Variants in AGO4 observed in about 807,000 individuals in gnomAD.
AGO4 encodes the protein argonaute RISC component 4.
In AGO4, 33 loss-of-function variants were observed where a neutral mutation model predicts 104.7. That is an observed-to-expected ratio of 0.32 (90% CI 0.24 to 0.42). The LOEUF is 0.42. Ranked by LOEUF, AGO4 falls within the 10% of genes least tolerant of loss-of-function variation. The pLI, the probability that AGO4 is intolerant of heterozygous loss-of-function variation, is 1.00. For synonymous variants in AGO4, 331 were observed against 364.7 expected (o/e 0.91, Z 1.05); for missense variants, 711 against 1,083.4 (o/e 0.66, Z 4.83).
chr1:35,825,073 G>A (rs1459952614), intron 3 of AGO4, among the ~76,000 whole-genome samples: 1 of 151,966 alleles, frequency 6.6e-6, no homozygotes, highest in East Asian at 1.9e-4. Context: ...GTTTCATTTA[G>A]CATAATGTTT....
At chr1:35,814,057 A>G (rs544013312) in intron 1 of AGO4, among the ~76,000 whole-genome samples, 36 of 149,936 alleles carry the variant, frequency 2.4e-4, no homozygotes, top group South Asian at 4.4e-4. Context: ...CCTGGGCAAC[A>G]GTGTGAGACT....
At chr1:35,837,992 C>T (rs1488391508) in intron 13 of AGO4, among the ~76,000 whole-genome samples, 3 of 152,018 alleles carry the variant, frequency 2.0e-5, no homozygotes, top group Non-Finnish European at 1.5e-5. Flanking sequence ...AAGCGATTCT[C>T]CCGCTTTAGT....
chr1:35,825,988 A>G lies in AGO4; in HGVS notation c.688A>G (p.Ile230Val). The G allele has an allele frequency of 6.2e-7, 1 of 1,614,186 alleles. No homozygotes were observed. The highest frequency in any genetic ancestry group is 8.5e-7 in the Non-Finnish European group (1 of 1,180,032). ...TGAGTTCATGTGTGAGGTTTTAGACATTCAGAACATCAATGAACAGACCAA... is the reference window on the plus strand; with the variant it reads ...TGAGTTCATGTGTGAGGTTTTAGACGTTCAGAACATCAATGAACAGACCAA... ...IIEFMCEVLD[I>V]QNINEQTKPL... The change falls in exon 6 of 18, where the codon ATT becomes GTT. Residue 230 changes from isoleucine (I) to valine (V), a missense_variant. Ile to Val is a conservative substitution (Grantham distance 29). Transcript: ENST00000373210.
At chr1:35,828,651 C>T (rs1251487122) in intron 7 of AGO4, among the ~76,000 whole-genome samples, 1 of 152,116 alleles carries the variant, frequency 6.6e-6, no homozygotes, top group African/African-American at 2.4e-5. Flanking sequence ...TCCCAAGTAG[C>T]TGGGATTACA....
intron 7 of AGO4, among the ~76,000 whole-genome samples, chr1:35,830,250 T>C (rs1360359340): frequency 1.3e-5 from 2 of 152,126 alleles, no homozygotes; most frequent in African/African-American, 4.8e-5. Flanking sequence ...ATGCCAAATA[T>C]TCTGGCACAG....
chr1:35,853,241 T>G (rs2148692079), intron 17 of AGO4, among the ~76,000 whole-genome samples: 1 of 136,840 alleles, frequency 7.3e-6, no homozygotes, highest in South Asian at 2.3e-4. Flanking sequence ...ACAGCGAGAC[T>G]CTGTCTCAAA....
At chr1:35,840,655 A>T (rs894414846) in intron 13 of AGO4, among the ~76,000 whole-genome samples, 42 of 152,120 alleles carry the variant, frequency 2.8e-4, no homozygotes, top group African/African-American at 1.0e-3. Flanking sequence ...GAGTACAGTG[A>T]TGTGACACAG....
intron 3 of AGO4, among the ~76,000 whole-genome samples, chr1:35,824,214 G>A (rs1241329264): frequency 1.3e-5 from 2 of 151,968 alleles, no homozygotes; most frequent in East Asian, 3.9e-4. Flanking sequence ...TAGAAATGCT[G>A]TGATTTACCG....
At chr1:35,823,028 A>G (rs372567940) in intron 3 of AGO4, 46 bp downstream of exon 3, 2 of 1,586,324 alleles carry the variant, frequency 1.3e-6, no homozygotes, top group East Asian at 2.3e-5. Flanking sequence ...AGTAGTAATT[A>G]TACATGACAA....
chr1:35,822,451 A>G (rs1025689650), intron 2 of AGO4, among the ~76,000 whole-genome samples: 7 of 151,298 alleles, frequency 4.6e-5, no homozygotes, highest in Non-Finnish European at 1.0e-4. Flanking sequence ...ACAGGGTTTC[A>G]CTGTGTTGGT....
At position 35,832,196 on chromosome 1, in the gene AGO4, T is replaced by C. The variant is rs1644202174; in HGVS notation, c.1245+11T>C. The C allele has an allele frequency of 4.3e-6, 7 of 1,609,390 alleles. No homozygotes were observed. Among genetic ancestry groups the C allele is most frequent in the Non-Finnish European group, 5.1e-6 (6 of 1,178,842 alleles). On this transcript the variant is annotated intron_variant, in intron 10 of 17. Coordinates refer to ENST00000373210, the MANE Select transcript of AGO4 (RefSeq NM_017629.4). ...CAATATGGAGGCCGGGTAAGCTTTTTATTTTATTCAGCAAGCTTCTTCCAC... is the reference window on the plus strand; with the variant it reads ...CAATATGGAGGCCGGGTAAGCTTTTCATTTTATTCAGCAAGCTTCTTCCAC...
intron 7 of AGO4, among the ~76,000 whole-genome samples, chr1:35,829,273 T>C (rs1644117134): frequency 6.6e-6 from 1 of 151,588 alleles, no homozygotes; most frequent in Non-Finnish European, 1.5e-5. Context: ...TGGTATTTCA[T>C]GTATTATTTG....
chr1:35,853,727 A>G lies in AGO4; in HGVS notation c.*122A>G. On this transcript the variant is annotated 3_prime_UTR_variant, in exon 18 of 18. Coordinates refer to ENST00000373210, the MANE Select transcript of AGO4 (RefSeq NM_017629.4). ...GGTGGTCTTCTACCAGCAGCTCGGA[A>G]TAGTTGCACTGAATCTATACTTTGC... is the stretch of plus-strand genomic sequence containing the variant. The G allele has an allele frequency of 2.7e-6, 2 of 741,490 alleles. No homozygotes were observed. The highest frequency in any genetic ancestry group is 3.5e-5 in the South Asian group (2 of 56,464). The allele number at this position is 741,490 out of a possible 1,614,324, so 45.9% of individuals were successfully genotyped here. A position where few individuals can be genotyped will look rare whatever the true frequency, so the allele number is the denominator to read the frequency against.
intron 15 of AGO4, among the ~76,000 whole-genome samples, chr1:35,849,686 CA>C (rs58930702): frequency 0.14 from 10,408 of 74,072 alleles, 1,204 homozygotes; most frequent in East Asian, 0.67. Flanking sequence ...GACGCTGTCT[CA>C]AAAAAAAAAA....
intron 7 of AGO4, among the ~76,000 whole-genome samples, chr1:35,828,101 A>C (rs1487160411): frequency 6.6e-6 from 1 of 152,140 alleles, no homozygotes; most frequent in East Asian, 1.9e-4. Flanking sequence ...TAGATATCAT[A>C]TAAGGCTGTC....
chr1:35,828,584 A>G (rs1488584992), intron 7 of AGO4, among the ~76,000 whole-genome samples: 1 of 150,992 alleles, frequency 6.6e-6, no homozygotes, highest in African/African-American at 2.4e-5. Flanking sequence ...CAATGTCGTG[A>G]TCTCTGCTCA....
At chr1:35,836,809 G>A (rs913560741) in intron 13 of AGO4, among the ~76,000 whole-genome samples, 19 of 152,270 alleles carry the variant, frequency 1.2e-4, no homozygotes, top group African/African-American at 2.2e-4. Flanking sequence ...ACTGAGTTAC[G>A]GAGAATAGAG....
At chr1:35,849,817 G>A (rs902040295) in intron 15 of AGO4, among the ~76,000 whole-genome samples, 1 of 151,684 alleles carries the variant, frequency 6.6e-6, no homozygotes, top group African/African-American at 2.4e-5. Flanking sequence ...TTCTCAGAAA[G>A]TTTATCTATC....
rs1571289305 is a variant in AGO4, at chr1:35,834,273, T to G, written c.1564+99T>G. The G allele has an allele frequency of 2.8e-6, 3 of 1,078,174 alleles. No homozygotes were observed. In the African/African-American group the frequency reaches 4.9e-5, roughly 18 times the overall value. The allele number at this position is 1,078,174 out of a possible 1,614,324, so 66.8% of individuals were successfully genotyped here. Reference sequence around the variant, plus strand: ...TGCTGCAGTCACAAACCTCAAACTCTCAGTGGTTCACAACAACAAAGATTT... The same window carrying G: ...TGCTGCAGTCACAAACCTCAAACTCGCAGTGGTTCACAACAACAAAGATTT... On this transcript the variant is annotated intron_variant, in intron 12 of 17. Coordinates refer to ENST00000373210, the MANE Select transcript of AGO4 (RefSeq NM_017629.4).
Sources: gnomAD v4.1 joint callset for allele counts (sites outside exome capture counted in the v4.1 genomes callset) on GRCh38, gnomAD v4.1.1 for gene constraint, MANE v1.5 for transcripts, NCBI Gene and HGNC (gene_info 2026-07-23, HGNC 2026-07-21) for gene names.